Variants in SEMA5B observed in about 807,000 individuals in gnomAD.
The protein encoded by SEMA5B is semaphorin 5B.
A neutral mutation model predicts 135.0 loss-of-function variants in SEMA5B; 66 were observed. The observed-to-expected ratio is 0.49, with a 90% CI of 0.40 to 0.60. SEMA5B has a LOEUF of 0.60. SEMA5B is among the 20% of genes least tolerant of loss of function. The probability of loss-of-function intolerance (pLI) is 0.00; values close to 1 mark genes in which losing one functional copy is unlikely to be tolerated. For missense variants in SEMA5B, 1,501 were observed against 1,566.3 expected, an observed-to-expected ratio of 0.96 and a Z score of 0.70; for synonymous variants, 690 against 639.5, an observed-to-expected ratio of 1.08 and a Z score of -1.19.
At chr3:122,956,893 C>CT (rs1940345306) in intron 2 of SEMA5B, among the ~76,000 whole-genome samples, 1 of 152,136 alleles carries the variant, frequency 6.6e-6, no homozygotes, top group East Asian at 1.9e-4. Context: ...AGGCGGGTGT[C>CT]TAAGAGGCCT....
chr3:122,940,642 T>A (rs1939514592), intron 4 of SEMA5B, among the ~76,000 whole-genome samples: 1 of 152,230 alleles, frequency 6.6e-6, no homozygotes, highest in Non-Finnish European at 1.5e-5. Flanking sequence ...AGAGGGCCCC[T>A]GCTGAAGGAA....
chr3:122,939,305 C>A, intron 5 of SEMA5B, 120 bp downstream of exon 5: 1 of 782,526 alleles, frequency 1.3e-6, no homozygotes, highest in Non-Finnish European at 2.2e-6. Flanking sequence ...GTGAAAAGAA[C>A]AAGTGGCTCC....
chr3:123,000,301 G>A (rs1236222091), intron 1 of SEMA5B, among the ~76,000 whole-genome samples: 1 of 152,206 alleles, frequency 6.6e-6, no homozygotes, highest in Non-Finnish European at 1.5e-5. Context: ...GGGAAGGAAT[G>A]GGCCATGGGG....
intron 5 of SEMA5B, among the ~76,000 whole-genome samples, chr3:122,935,619 G>A (rs1195194277): frequency 6.6e-6 from 1 of 150,452 alleles, no homozygotes. Flanking sequence ...GGAGTCAGCT[G>A]CCTGTCCACT....
chr3:122,982,749 C>T (rs1941560975), intron 1 of SEMA5B, among the ~76,000 whole-genome samples: 1 of 152,126 alleles, frequency 6.6e-6, no homozygotes, highest in South Asian at 2.1e-4. Flanking sequence ...GGAAACCACA[C>T]ACTGAATGGA....
chr3:123,019,157 A>C (rs1470400), intron 1 of SEMA5B, among the ~76,000 whole-genome samples: 23,779 of 152,188 alleles, frequency 0.16, 3,144 homozygotes, highest in African/African-American at 0.36. Flanking sequence ...GTTAACACCA[A>C]GAGGATTGAG....
At chr3:122,934,797 C>T (rs1465268292) in intron 5 of SEMA5B, among the ~76,000 whole-genome samples, 1 of 149,572 alleles carries the variant, frequency 6.7e-6, no homozygotes, top group Admixed American at 6.7e-5. Flanking sequence ...AGCAGGACAG[C>T]TTGAGGCCAA....
intron 3 of SEMA5B, among the ~76,000 whole-genome samples, chr3:122,946,754 C>G (rs978630509): frequency 6.6e-6 from 1 of 152,090 alleles, no homozygotes; most frequent in South Asian, 2.1e-4. Flanking sequence ...CCCTTCTGTG[C>G]CTGGCACAAA....
rs146945260 is a variant in SEMA5B at position 123,020,872 on chromosome 3, C to T, written c.-39+6592G>A. 2.0e-5 allele frequency among the ~76,000 whole-genome samples: 3 copies of T among 152,334 alleles called. No individual in the cohort carries two copies. The East Asian group carries it at 5.8e-4, about 29-fold the overall frequency. ...AGAGGTAGACTTGAGGCTGTTCACC[C>T]CACTTCACAGCCCTCTTCTCTCTGG... On this transcript the variant is annotated intron_variant, in intron 1 of 22. Transcript: ENST00000357599.
intron 1 of SEMA5B, among the ~76,000 whole-genome samples, chr3:122,971,298 C>T (rs538755368): frequency 1.2e-4 from 18 of 152,352 alleles, no homozygotes; most frequent in African/African-American, 2.6e-4. Flanking sequence ...ACATAAGAGA[C>T]GCTGAATTAT....
chr3:122,940,830 C>T (rs1939525342), intron 4 of SEMA5B, among the ~76,000 whole-genome samples: 1 of 152,242 alleles, frequency 6.6e-6, no homozygotes, highest in Non-Finnish European at 1.5e-5. Context: ...TAGCAGAGCT[C>T]TCCCTATCCC....
chr3:122,931,137 C>T lies in SEMA5B; in HGVS notation c.475-2079G>A, dbSNP rs377579181. 1.2e-4 allele frequency among the ~76,000 whole-genome samples: 18 copies of T among 152,218 alleles called. No homozygotes were observed. The South Asian group carries it at 1.5e-3, about 12-fold the overall frequency. On this transcript the variant is annotated intron_variant, in intron 5 of 22. Transcript: ENST00000357599. ...TAAAATGTATTAATTAAAACTCCGA[C>T]GACCCACTCCTCCCATAGCCCACCC...
chr3:123,000,985 G>A (rs1214108828), intron 1 of SEMA5B, among the ~76,000 whole-genome samples: 1 of 152,216 alleles, frequency 6.6e-6, no homozygotes, highest in Non-Finnish European at 1.5e-5. Context: ...CGTTTTGCAA[G>A]GGACTGCACT....
chr3:122,922,182 C>T (rs2107638347), intron 11 of SEMA5B, 58 bp downstream of exon 11: 1 of 1,568,958 alleles, frequency 6.4e-7, no homozygotes, highest in South Asian at 1.2e-5. Flanking sequence ...CTTGCAGCCC[C>T]GCGCCGTCCC....
chr3:122,997,963 G>T (rs1942066741), intron 1 of SEMA5B, among the ~76,000 whole-genome samples: 1 of 152,164 alleles, frequency 6.6e-6, no homozygotes, highest in African/African-American at 2.4e-5. Flanking sequence ...CCACTTTAGG[G>T]CATTCCCAGC....
At chr3:122,914,308 G>C (rs912571700) in intron 14 of SEMA5B, among the ~76,000 whole-genome samples, 1 of 152,204 alleles carries the variant, frequency 6.6e-6, no homozygotes. Context: ...AGAGAAGAAG[G>C]CCCTAGTCCC....
chr3:123,009,039 C>T (rs1942378799), intron 1 of SEMA5B, among the ~76,000 whole-genome samples: 1 of 152,196 alleles, frequency 6.6e-6, no homozygotes. Context: ...TCCATCAATG[C>T]CACCCAGTTT....
intron 4 of SEMA5B, among the ~76,000 whole-genome samples, chr3:122,940,425 G>A (rs537605216): frequency 2.0e-5 from 3 of 152,208 alleles, no homozygotes; most frequent in African/African-American, 4.8e-5. Flanking sequence ...ATGGTGTGAT[G>A]CACATTTAAA....
chr3:123,023,089 G>A (rs543379764), intron 1 of SEMA5B, among the ~76,000 whole-genome samples: 2 of 152,128 alleles, frequency 1.3e-5, no homozygotes, highest in African/African-American at 2.4e-5. Flanking sequence ...AGTATAGCAC[G>A]ATGCCAGTGA....
Sources: allele counts gnomAD v4.1 joint callset (sites outside exome capture counted in the v4.1 genomes callset), GRCh38; gene constraint gnomAD v4.1.1; transcripts MANE v1.5; gene names NCBI Gene and HGNC (gene_info 2026-07-23, HGNC 2026-07-21).